Variants in PDLIM2 observed in about 807,000 individuals in gnomAD.
PDLIM2 encodes PDZ and LIM domain 2.
In PDLIM2, 51 loss-of-function variants were observed where a neutral mutation model predicts 54.1. The observed-to-expected ratio is 0.94, with a 90% CI of 0.75 to 1.19. PDLIM2 has a LOEUF of 1.19. PDLIM2 is among the 50% of genes most tolerant of loss of function. The pLI is 0.00. For synonymous variants in PDLIM2, 398 were observed against 385.6 expected (o/e 1.03, Z -0.38); for missense variants, 912 against 874.0 (o/e 1.04, Z -0.55).
intron 8 of PDLIM2, 141 bp downstream of exon 7, chr8:22,589,882 G>C: frequency 8.2e-7 from 1 of 1,222,010 alleles, no homozygotes; most frequent in Non-Finnish European, 1.1e-6. Flanking sequence ...AGCAGAGCGC[G>C]AAGCCCCAGC....
intron 2 of PDLIM2, chr8:22,581,120 C>G: frequency 3.0e-6 from 2 of 675,766 alleles, no homozygotes; most frequent in Non-Finnish European, 5.5e-6. Flanking sequence ...AAAAGTATTT[C>G]CAAGCACAGT....
chr8:22,596,180 C>T (rs1800680691), downstream of PDLIM2: 1 of 152,240 alleles, frequency 6.6e-6, no homozygotes, highest in Non-Finnish European at 1.5e-5. Flanking sequence ...AGATTCCCAC[C>T]TGTATGTAGC....
chr8:22,589,891 GC>G, intron 8 of PDLIM2, 150 bp downstream of exon 7: 1 of 1,142,942 alleles, frequency 8.7e-7, no homozygotes. Flanking sequence ...CGAAGCCCCA[GC>G]CCCTGCCCAT....
rs1447616579 is a variant in PDLIM2, at chr8:22,589,124, G to A, written c.1291-174G>A. 1.9e-5 allele frequency: 10 copies of A among 526,898 alleles called. No individual in the cohort carries two copies. In the Admixed American group the frequency reaches 3.0e-4, roughly 16 times the overall value. 32.6% of individuals were successfully genotyped at this position (526,898 alleles called of 1,614,324 possible). A position where few individuals can be genotyped will look rare whatever the true frequency, so the allele number is the denominator to read the frequency against. ...AGGGGCAGGGGGCCCGCTGGTCGGC[G>A]AGGGCTGGGAGCCCCCGACACCTTG... On this transcript the variant is annotated intron_variant, in intron 6 of 9. Transcript: ENST00000308354.
intron 3 of PDLIM2, among the ~76,000 whole-genome samples, chr8:22,584,221 C>G (rs895921675): frequency 1.3e-5 from 2 of 150,686 alleles, no homozygotes; most frequent in African/African-American, 4.9e-5. Flanking sequence ...TTGTTGATGA[C>G]CAGGCTGGTC....
chr8:22,581,277 G>C, intron 2 of PDLIM2, 102 bp from the exon 2 acceptor site: 1 of 1,457,782 alleles, frequency 6.9e-7, no homozygotes. Flanking sequence ...GGTGCAGGCC[G>C]GCCTGGGTCA....
chr8:22,579,161 C>T (rs996238263), exon 1 of PDLIM2: 4 of 1,335,100 alleles, frequency 3.0e-6, no homozygotes, highest in South Asian at 2.0e-5. Flanking sequence ...GGAGCGGTGG[C>T]GTCTCCCCGC....
At chr8:22,590,009 C>G in intron 8 of PDLIM2, 1 of 462,446 alleles carries the variant, frequency 2.2e-6, no homozygotes, top group Non-Finnish European at 3.9e-6. Context: ...GTGATAAAAG[C>G]GGTGGCAGGG....
At chr8:22,584,930 T>TC in intron 4 of PDLIM2, 40 bp downstream of exon 3, 1 of 1,613,790 alleles carries the variant, frequency 6.2e-7, no homozygotes, top group Middle Eastern at 1.6e-4. Context: ...AGCACCCTGA[T>TC]CACTGGTGCA....
At chr8:22,594,715 A>G, downstream of PDLIM2, 4 of 1,542,896 alleles carry the variant, frequency 2.6e-6, no homozygotes, top group South Asian at 5.0e-5. Flanking sequence ...AGGTTGATCT[A>G]CCGACACCTT....
At chr8:22,594,011 A>G (rs1330505542) in exon 10 of PDLIM2, 7 of 1,471,678 alleles carry the variant, frequency 4.8e-6, no homozygotes, top group Middle Eastern at 1.9e-4. Context: ...TACATGAGCT[A>G]AGTTTGGAGA....
At chr8:22,585,038 G>A (rs1383657221) in exon 5 of PDLIM2, 1 of 1,613,966 alleles carries the variant, frequency 6.2e-7, no homozygotes, top group Non-Finnish European at 8.5e-7. Context: ...GACATACACT[G>A]AGAGTCAGTC....
chr8:22,585,470 C>T, intron 6 of PDLIM2, 71 bp downstream of exon 5: 1 of 1,468,862 alleles, frequency 6.8e-7, no homozygotes, highest in Non-Finnish European at 9.3e-7. Context: ...TGCCAGTGCC[C>T]CGGGACTGCA....
At chr8:22,591,497 G>A (rs1800545006) in intron 8 of PDLIM2, 54 bp from the exon 8 acceptor site, 3 of 1,489,782 alleles carry the variant, frequency 2.0e-6, no homozygotes, top group Non-Finnish European at 2.8e-6. Context: ...GCATCTTTGG[G>A]AGGATGCTGT....
At chr8:22,584,840 G>A (rs751367185) in exon 4 of PDLIM2, 1 of 1,614,132 alleles carries the variant, frequency 6.2e-7, no homozygotes, top group Non-Finnish European at 8.5e-7. Context: ...TACGTCTCCA[G>A]GGCAGACCAA....
intron 9 of PDLIM2, chr8:22,592,040 T>G (rs988509604): frequency 2.6e-4 from 41 of 157,096 alleles, no homozygotes; most frequent in Non-Finnish European, 4.7e-4. Flanking sequence ...TGTGGGCTCA[T>G]TTTTCTTATT....
intron 3 of PDLIM2, among the ~76,000 whole-genome samples, chr8:22,582,913 C>CCG (rs1554553591): frequency 1.0e-5 from 1 of 97,642 alleles, no homozygotes; most frequent in African/African-American, 3.8e-5. Flanking sequence ...ATGCCCACCC[C>CCG]CCCCCCCGCC....
At position 22,589,753 on chromosome 8, in the gene PDLIM2, G is replaced by A. The variant is rs1800486954; in HGVS notation, c.1513+12G>A. ...GGCTGAGGAGAGAGGTGAGGGTCTG[G>A]GGGGCTGGGGAGGGGAAGGAGGTTC... On this transcript the variant is annotated intron_variant, in intron 8 of 9. Transcript: ENST00000308354. 1.3e-6 allele frequency: 2 copies of A among 1,559,322 alleles called. No homozygotes were observed. Among genetic ancestry groups the A allele is most frequent in the Non-Finnish European group, 1.7e-6 (2 of 1,151,472 alleles).
chr8:22,592,881 T>G (rs1010086297), intron 9 of PDLIM2: 1 of 152,106 alleles, frequency 6.6e-6, no homozygotes, highest in Non-Finnish European at 1.5e-5. Flanking sequence ...TAAAAAAAAT[T>G]TTTAATATTT....
Sources: gnomAD v4.1 joint callset for allele counts (sites outside exome capture counted in the v4.1 genomes callset) on GRCh38, gnomAD v4.1.1 for gene constraint, MANE v1.5 for transcripts, NCBI Gene and HGNC (gene_info 2026-07-23, HGNC 2026-07-21) for gene names.